Variants in CD33 observed in about 807,000 individuals in gnomAD.
CD33 encodes myeloid cell surface antigen CD33.
Under a neutral mutation model 31.4 loss-of-function variants are expected in CD33, and 25 were observed. The ratio of observed to expected loss-of-function variants is 0.80; its 90% CI spans 0.58 to 1.11. The LOEUF is 1.11. CD33 is among the 50% of genes most tolerant of loss of function. The pLI is 0.00. For missense variants in CD33, 407 were observed against 448.1 expected, an observed-to-expected ratio of 0.91 and a Z score of 0.83; for synonymous variants, 176 against 180.6, an observed-to-expected ratio of 0.97 and a Z score of 0.20.
upstream of CD33, among the ~76,000 whole-genome samples, chr19:51,220,856 A>G (rs273638): frequency 0.35 from 52,775 of 151,990 alleles, 9,760 homozygotes; most frequent in Non-Finnish European, 0.43. Context: ...ACGCGTATTT[A>G]TGGGAATGGG....
rs373695410 is a variant in CD33 at position 51,235,219 on chromosome 19, C to G, written c.808C>G (p.Leu270Val). The G allele has an allele frequency of 4.3e-6, 7 of 1,614,060 alleles. No homozygotes were observed. In the African/African-American group the frequency reaches 8.0e-5, roughly 18 times the overall value. ...GAIGGAGVTA[L>V]LALCLCLIFF... ...CATTGGAGGAGCTGGTGTTACAGCCCTGCTCGCTCTTTGTCTCTGCCTCAT... is the reference window on the plus strand; with the variant it reads ...CATTGGAGGAGCTGGTGTTACAGCCGTGCTCGCTCTTTGTCTCTGCCTCAT... The change falls in exon 5 of 7, where the codon CTG (leucine) becomes GTG (valine). Residue 270 changes from leucine (L) to valine (V), a missense_variant. Coordinates refer to ENST00000262262, the MANE Select transcript of CD33 (RefSeq NM_001772.4).
At chr19:51,217,554 C>T in the CD33 span, among the ~76,000 whole-genome samples, 2 of 151,956 alleles carry the variant, frequency 1.3e-5, no homozygotes, top group African/African-American at 4.8e-5. Flanking sequence ...GGATTACAGG[C>T]GCTTGCCACC....
chr19:51,223,236 A>G (rs1363515395), upstream of CD33, among the ~76,000 whole-genome samples: 1 of 152,076 alleles, frequency 6.6e-6, no homozygotes, highest in African/African-American at 2.4e-5. Flanking sequence ...AAAAGCACTA[A>G]ATGTATTGAA....
At chr19:51,211,120 G>A in the CD33 span, 8 of 1,593,412 alleles carry the variant, frequency 5.0e-6, no homozygotes, top group African/African-American at 1.1e-4. Context: ...TGCCACTGCT[G>A]CTACTGCTGC....
At chr19:51,233,629 C>T (rs1599873158) in intron 4 of CD33, among the ~76,000 whole-genome samples, 1 of 152,380 alleles carries the variant, frequency 6.6e-6, no homozygotes, top group East Asian at 1.9e-4. Flanking sequence ...ATGCTCCATG[C>T]AGCTGTGTGA....
chr19:51,211,309 A>G, the CD33 span: 6 of 1,565,052 alleles, frequency 3.8e-6, no homozygotes, highest in African/African-American at 2.7e-5. Flanking sequence ...CTCCCATCCC[A>G]TACCCTACTA....
chr19:51,216,215 G>A, the CD33 span, among the ~76,000 whole-genome samples: 2 of 125,490 alleles, frequency 1.6e-5, no homozygotes, highest in Non-Finnish European at 3.4e-5. Context: ...AGTCTTAAAT[G>A]TCACCCGAGT....
intron 6 of CD33, 89 bp from the exon 7 acceptor site, chr19:51,239,429 A>C: frequency 1.1e-6 from 1 of 898,856 alleles, no homozygotes; most frequent in Non-Finnish European, 1.7e-6. Flanking sequence ...GTTCTGTCAG[A>C]GTCAAATTTA....
intron 4 of CD33, among the ~76,000 whole-genome samples, chr19:51,230,665 A>T (rs1275692930): frequency 6.6e-6 from 1 of 152,214 alleles, no homozygotes; most frequent in Admixed American, 6.6e-5. Flanking sequence ...TGTCTGAGAT[A>T]AGTATAGCTA....
upstream of CD33, among the ~76,000 whole-genome samples, chr19:51,221,043 G>A (rs1448229265): frequency 6.6e-6 from 1 of 152,092 alleles, no homozygotes; most frequent in Non-Finnish European, 1.5e-5. Context: ...CCAATTTTGT[G>A]TAAATGAAAA....
chr19:51,234,170 A>G (rs187855707), intron 4 of CD33, among the ~76,000 whole-genome samples: 3 of 152,264 alleles, frequency 2.0e-5, no homozygotes, highest in Admixed American at 6.5e-5. Context: ...ATTGAGCAGA[A>G]GATACTAAGA....
intron 4 of CD33, among the ~76,000 whole-genome samples, chr19:51,229,809 A>T: frequency 6.7e-6 from 1 of 149,766 alleles, no homozygotes; most frequent in Non-Finnish European, 1.5e-5. Context: ...AATGATTGTC[A>T]ATTTTATTTA....
chr19:51,220,792 C>A (rs147081862), upstream of CD33, among the ~76,000 whole-genome samples: 1,044 of 152,246 alleles, frequency 6.9e-3, 10 homozygotes, highest in African/African-American at 0.022. Flanking sequence ...CCTTCTCTTT[C>A]TATTACTTTC....
At chr19:51,239,373 C>A (rs1266621720) in intron 6 of CD33, 145 bp from the exon 7 acceptor site, 2 of 573,922 alleles carry the variant, frequency 3.5e-6, no homozygotes, top group African/African-American at 1.9e-5. Flanking sequence ...ATAAGTAGAG[C>A]CTTAATTAAT....
At chr19:51,235,962 T>G in intron 6 of CD33, 2 of 685,732 alleles carry the variant, frequency 2.9e-6, no homozygotes, top group South Asian at 3.1e-5. Flanking sequence ...ATTGAGACTA[T>G]CCTGGCTAAC....
At chr19:51,217,005 G>C in the CD33 span, among the ~76,000 whole-genome samples, 1 of 152,226 alleles carries the variant, frequency 6.6e-6, no homozygotes, top group Non-Finnish European at 1.5e-5. Flanking sequence ...TAAGAGCAGA[G>C]GGAGGCAGAG....
chr19:51,212,133 G>A, the CD33 span: 1 of 535,596 alleles, frequency 1.9e-6, no homozygotes. Context: ...CCAGGAGAGA[G>A]GAGGACCAGG....
chr19:51,212,561 C>T, the CD33 span, among the ~76,000 whole-genome samples: 19 of 151,968 alleles, frequency 1.3e-4, no homozygotes, highest in Middle Eastern at 3.4e-3. Context: ...CACACACAAC[C>T]CCCTCAACCC....
chr19:51,231,794 T>C (rs1347811046), intron 4 of CD33, among the ~76,000 whole-genome samples: 1 of 152,106 alleles, frequency 6.6e-6, no homozygotes, highest in Non-Finnish European at 1.5e-5. Context: ...TGTCTCACTC[T>C]GTCGCCCAGG....
Sources: allele counts gnomAD v4.1 joint callset (sites outside exome capture counted in the v4.1 genomes callset), GRCh38; gene constraint gnomAD v4.1.1; transcripts MANE v1.5; gene names NCBI Gene and HGNC (gene_info 2026-07-23, HGNC 2026-07-21).